The following HEPHL1 variants were observed in gnomAD, a reference collection of about 807,000 sequenced individuals.
HEPHL1 encodes hephaestin like 1.
In HEPHL1, 123 loss-of-function variants were observed where a neutral mutation model predicts 122.0. The ratio of observed to expected loss-of-function variants is 1.01; its 90% CI spans 0.87 to 1.17. HEPHL1 has a LOEUF of 1.17. Ranked by LOEUF, HEPHL1 falls within the 50% of genes most tolerant of loss-of-function variation. HEPHL1 has a pLI of 0.00. For synonymous variants in HEPHL1, 527 were observed against 508.9 expected (o/e 1.04, Z -0.48); for missense variants, 1,452 against 1,430.5 (o/e 1.01, Z -0.24).
At chr11:94,068,281 G>A (rs1270135354) in intron 5 of HEPHL1, among the ~76,000 whole-genome samples, 1 of 152,118 alleles carries the variant, frequency 6.6e-6, no homozygotes, top group Non-Finnish European at 1.5e-5. Context: ...AGGACTTTCT[G>A]GATAATAAGG....
chr11:94,079,772 A>G (rs183862310), intron 9 of HEPHL1, among the ~76,000 whole-genome samples: 1 of 152,240 alleles, frequency 6.6e-6, no homozygotes, highest in Non-Finnish European at 1.5e-5. Flanking sequence ...ATTAGATGAG[A>G]CTGTATTGTC....
chr11:94,111,435 A>G, intron 18 of HEPHL1, 102 bp from the exon 19 acceptor site: 1 of 889,932 alleles, frequency 1.1e-6, no homozygotes, highest in Non-Finnish European at 1.8e-6. Context: ...ATTGGCAGAT[A>G]CTGATGGGAT....
At chr11:94,104,430 T>C in intron 15 of HEPHL1, 98 bp from the exon 16 acceptor site, 1 of 772,022 alleles carries the variant, frequency 1.3e-6, no homozygotes, top group Non-Finnish European at 2.1e-6. Flanking sequence ...TAGTCCAGGG[T>C]GAGGTATTAT....
At chr11:94,043,084 C>A (rs1245852304) in intron 1 of HEPHL1, among the ~76,000 whole-genome samples, 1 of 151,794 alleles carries the variant, frequency 6.6e-6, no homozygotes, top group Non-Finnish European at 1.5e-5. Context: ...ACGTGCTTAA[C>A]ACATTTTTTA....
chr11:94,067,022 C>T (rs1263339820), intron 4 of HEPHL1, among the ~76,000 whole-genome samples: 1 of 152,166 alleles, frequency 6.6e-6, no homozygotes. Flanking sequence ...TTACTACATG[C>T]TTTTGTCACT....
chr11:94,069,255 A>C (rs1022570403), intron 5 of HEPHL1, among the ~76,000 whole-genome samples: 1 of 152,176 alleles, frequency 6.6e-6, no homozygotes, highest in African/African-American at 2.4e-5. Flanking sequence ...GAAAAAAGTT[A>C]TTGTAAAAAA....
intron 2 of HEPHL1, among the ~76,000 whole-genome samples, chr11:94,053,216 G>A (rs371156698): frequency 3.3e-5 from 5 of 151,810 alleles, no homozygotes; most frequent in East Asian, 1.9e-4. Context: ...CTAGAAATTC[G>A]TGTGTTTCAT....
At chr11:94,062,287 C>A (rs1176038917) in intron 2 of HEPHL1, among the ~76,000 whole-genome samples, 3 of 152,096 alleles carry the variant, frequency 2.0e-5, no homozygotes, top group Non-Finnish European at 4.4e-5. Flanking sequence ...TATGGGATTG[C>A]TTTGAAAAGT....
chr11:94,069,611 C>A (rs1490112544), intron 5 of HEPHL1, among the ~76,000 whole-genome samples: 1 of 152,150 alleles, frequency 6.6e-6, no homozygotes, highest in African/African-American at 2.4e-5. Context: ...AACACATTTT[C>A]ATGTCGGTGA....
rs146929237 is a variant in HEPHL1, at chr11:94,107,562, T to A, written c.3045+1432T>A. 8.1e-3 allele frequency among the ~76,000 whole-genome samples: 1,236 copies of A among 152,340 alleles called. 9 individuals are homozygous for A. The highest frequency in any genetic ancestry group is 0.013 in the Non-Finnish European group (875 of 68,030). ...TACCATTGCACCCTCTAGTGTCAAC[T>A]ACTTCCCCATACTTAACACTTGTCA... On this transcript the variant is annotated intron_variant, in intron 17 of 19. Transcript: ENST00000315765.
At chr11:94,031,572 A>G (rs991682870) in intron 1 of HEPHL1, among the ~76,000 whole-genome samples, 1 of 152,032 alleles carries the variant, frequency 6.6e-6, no homozygotes, top group Admixed American at 6.5e-5. Flanking sequence ...TCATTCTCTA[A>G]TTTTTTAAAC....
At chr11:94,048,370 T>A (rs981277026) in intron 2 of HEPHL1, among the ~76,000 whole-genome samples, 1 of 151,826 alleles carries the variant, frequency 6.6e-6, no homozygotes, top group Non-Finnish European at 1.5e-5. Context: ...TGTGCATAAT[T>A]TTTTTTTGAG....
chr11:94,037,571 A>C (rs372023053), intron 1 of HEPHL1, among the ~76,000 whole-genome samples: 4 of 152,252 alleles, frequency 2.6e-5, no homozygotes, highest in Middle Eastern at 3.4e-3. Context: ...CCTGACCCCC[A>C]AGCAGCCTAA....
intron 13 of HEPHL1, among the ~76,000 whole-genome samples, chr11:94,096,365 T>C (rs947829836): frequency 3.9e-5 from 6 of 152,252 alleles, no homozygotes; most frequent in Non-Finnish European, 8.8e-5. Flanking sequence ...ATCCCAGGGA[T>C]GAAGCCCACT....
chr11:94,083,077 T>A (rs1232182444), intron 10 of HEPHL1, among the ~76,000 whole-genome samples: 3 of 117,674 alleles, frequency 2.5e-5, no homozygotes, highest in Admixed American at 2.0e-4. Context: ...AGAGTGAGAC[T>A]CCGTCTAAAA....
At chr11:94,084,019 T>A (rs563074781) in intron 10 of HEPHL1, among the ~76,000 whole-genome samples, 1 of 152,292 alleles carries the variant, frequency 6.6e-6, no homozygotes, top group African/African-American at 2.4e-5. Context: ...GAAACTACTT[T>A]CATATTTAGA....
intron 1 of HEPHL1, among the ~76,000 whole-genome samples, chr11:94,032,815 G>T (rs1351379836): frequency 6.6e-6 from 1 of 152,222 alleles, no homozygotes; most frequent in Non-Finnish European, 1.5e-5. Flanking sequence ...GATCTCAGGA[G>T]TTGGGCAAAT....
intron 11 of HEPHL1, among the ~76,000 whole-genome samples, chr11:94,086,804 G>A (rs745448757): frequency 9.2e-5 from 14 of 152,198 alleles, no homozygotes; most frequent in African/African-American, 2.2e-4. Context: ...TAATTGGGGC[G>A]TTTTCATAAA....
chr11:94,060,092 TTATATATATATATATATATATATATA>T (rs1164147552), intron 2 of HEPHL1, among the ~76,000 whole-genome samples: 91 of 2,598 alleles, frequency 0.035, 2 homozygotes, highest in African/African-American at 0.038. Flanking sequence ...TCATATTTTA[TTATATATATATATATATATATATATA>T]TATATATATA....
Sources: gnomAD v4.1 joint callset for allele counts (sites outside exome capture counted in the v4.1 genomes callset) on GRCh38, gnomAD v4.1.1 for gene constraint, MANE v1.5 for transcripts, NCBI Gene and HGNC (gene_info 2026-07-23, HGNC 2026-07-21) for gene names.